Variants in WDR35 observed in about 807,000 individuals in gnomAD.
The protein encoded by WDR35 is WD repeat domain 35.
Under a neutral mutation model 158.3 loss-of-function variants are expected in WDR35, and 118 were observed. The ratio of observed to expected loss-of-function variants is 0.75; its 90% CI spans 0.64 to 0.87. WDR35 has a LOEUF of 0.87. Among genes scored for constraint, WDR35 ranks in the 40% least tolerant of loss-of-function variants. The pLI, the probability that WDR35 is intolerant of heterozygous loss-of-function variation, is 0.00. For synonymous variants in WDR35, 448 were observed against 476.1 expected (o/e 0.94, Z 0.77); for missense variants, 1,263 against 1,405.8 (o/e 0.90, Z 1.62).
chr2:19,950,357 G>T (rs1671197437), intron 13 of WDR35, among the ~76,000 whole-genome samples: 1 of 152,052 alleles, frequency 6.6e-6, no homozygotes, highest in Non-Finnish European at 1.5e-5. Flanking sequence ...AAGTCTTCTG[G>T]AAACCAGAAT....
chr2:19,966,934 G>A, intron 9 of WDR35, 25 bp from the exon 10 acceptor site: 1 of 1,608,736 alleles, frequency 6.2e-7, no homozygotes, highest in Non-Finnish European at 8.5e-7. Context: ...AGGAGGAAAG[G>A]GAAGGAGATT....
At chr2:19,976,157 T>C (rs1027194379) in intron 5 of WDR35, among the ~76,000 whole-genome samples, 1 of 152,202 alleles carries the variant, frequency 6.6e-6, no homozygotes, top group African/African-American at 2.4e-5. Flanking sequence ...TCATTTTCTC[T>C]TTCTCATTAA....
chr2:19,947,195 GTTT>G (rs920301532), intron 14 of WDR35, among the ~76,000 whole-genome samples: 9 of 152,214 alleles, frequency 5.9e-5, no homozygotes, highest in South Asian at 2.1e-4. Context: ...AGAACTGTGG[GTTT>G]CAAACCCTTG....
intron 5 of WDR35, among the ~76,000 whole-genome samples, chr2:19,978,273 CAG>C (rs1279770048): frequency 8.5e-5 from 13 of 152,142 alleles, no homozygotes; most frequent in South Asian, 4.2e-4. Context: ...TATTTATCTA[CAG>C]AGTTTCAAAT....
At chr2:19,940,424 G>A (rs1296514268) in intron 17 of WDR35, among the ~76,000 whole-genome samples, 1 of 152,048 alleles carries the variant, frequency 6.6e-6, no homozygotes, top group Non-Finnish European at 1.5e-5. Context: ...ATATTATCTG[G>A]TGGTACTGTA....
At chr2:19,964,752 G>T (rs1671793521) in intron 10 of WDR35, among the ~76,000 whole-genome samples, 1 of 151,836 alleles carries the variant, frequency 6.6e-6, no homozygotes, top group Non-Finnish European at 1.5e-5. Context: ...TTGTCCTTTT[G>T]CTTCACTTTA....
rs750457431 is a variant in WDR35 at position 19,914,251 on chromosome 2, T to C, written c.3148A>G (p.Ile1050Val). 5 of 1,613,786 alleles carry C rather than the reference T, an allele frequency of 3.1e-6. No individual in the cohort carries two copies. The Admixed American group carries it at 6.7e-5, about 22-fold the overall frequency. Residue 1050 changes from isoleucine (I) to valine (V), a missense_variant, in exon 26 of 27, where the codon ATC becomes GTC. Transcript: ENST00000281405. The stretch of plus-strand genomic sequence containing the variant: ...GAGTAGATCTCCACAGGAGGGATGA[T>C]GTCTTCATAGTCTTTCAGGTGAAGA... ...TALHLKDYED[I>V]IPPVEIYSLL...
chr2:19,933,236 A>T (rs1234148142), intron 22 of WDR35, among the ~76,000 whole-genome samples, 165 bp downstream of exon 22: 1 of 152,198 alleles, frequency 6.6e-6, no homozygotes, highest in Admixed American at 6.5e-5. Context: ...TTCATCCTCA[A>T]TTAAGAGAAT....
intron 8 of WDR35, among the ~76,000 whole-genome samples, chr2:19,969,975 C>T (rs974147809): frequency 1.1e-4 from 17 of 152,110 alleles, no homozygotes; most frequent in African/African-American, 3.9e-4. Flanking sequence ...TCTCGATCTC[C>T]TGACTTCATG....
intron 25 of WDR35, among the ~76,000 whole-genome samples, chr2:19,921,326 TA>T (rs1426496773): frequency 1.3e-5 from 2 of 152,046 alleles, no homozygotes; most frequent in Non-Finnish European, 2.9e-5. Context: ...GACTACGAAC[TA>T]TACTACAAGG....
At chr2:19,963,468 T>C (rs929843839) in intron 10 of WDR35, among the ~76,000 whole-genome samples, 3 of 152,194 alleles carry the variant, frequency 2.0e-5, no homozygotes, top group African/African-American at 4.8e-5. Context: ...GGCTCAAATA[T>C]GTCAGGTAGT....
chr2:19,988,286 C>T (rs1230095347), intron 2 of WDR35, among the ~76,000 whole-genome samples: 2 of 152,116 alleles, frequency 1.3e-5, no homozygotes, highest in African/African-American at 4.8e-5. Context: ...TTATTCATAC[C>T]GCATTCAAAG....
At chr2:19,945,334 T>C (rs1279694272) in intron 16 of WDR35, among the ~76,000 whole-genome samples, 2 of 152,166 alleles carry the variant, frequency 1.3e-5, no homozygotes, top group Non-Finnish European at 2.9e-5. Flanking sequence ...ATATGGTAAA[T>C]GTAAATATAA....
intron 11 of WDR35, among the ~76,000 whole-genome samples, chr2:19,956,328 T>A (rs1671430492): frequency 6.6e-6 from 1 of 152,206 alleles, no homozygotes; most frequent in Non-Finnish European, 1.5e-5. Context: ...TTTTGATAGA[T>A]CCTAAATACT....
intron 25 of WDR35, 41 bp downstream of exon 25, chr2:19,930,355 T>C: frequency 6.2e-7 from 1 of 1,613,902 alleles, no homozygotes; most frequent in Non-Finnish European, 8.5e-7. Context: ...ACTCAATTTA[T>C]AATTTTCAGA....
At chr2:19,945,118 TGA>T (rs1671005759) in intron 16 of WDR35, among the ~76,000 whole-genome samples, 1 of 152,076 alleles carries the variant, frequency 6.6e-6, no homozygotes, top group Admixed American at 6.6e-5. Flanking sequence ...ATACAACAGC[TGA>T]GAGTTGGCCA....
At chr2:19,984,022 TATATATATATATATATATACATATATAC>T (rs1359885680) in intron 2 of WDR35, among the ~76,000 whole-genome samples, 4 of 3,592 alleles carry the variant, frequency 1.1e-3, no homozygotes, top group African/African-American at 1.7e-3. Context: ...TATATATATA[TATATATATATATATATATACATATATAC>T]ACACACCCAC....
intron 25 of WDR35, among the ~76,000 whole-genome samples, chr2:19,916,621 G>A (rs945080841): frequency 1.3e-5 from 2 of 152,196 alleles, no homozygotes; most frequent in African/African-American, 4.8e-5. Flanking sequence ...CAAAGCCGCT[G>A]GGAAGTTGAA....
intron 25 of WDR35, among the ~76,000 whole-genome samples, chr2:19,918,422 GC>G (rs1233229695): frequency 6.6e-6 from 1 of 152,120 alleles, no homozygotes; most frequent in African/African-American, 2.4e-5. Flanking sequence ...TGGGCTAAAT[GC>G]CCCAATTAAA....
Sources: allele counts gnomAD v4.1 joint callset (sites outside exome capture counted in the v4.1 genomes callset), GRCh38; gene constraint gnomAD v4.1.1; transcripts MANE v1.5; gene names NCBI Gene and HGNC (gene_info 2026-07-23, HGNC 2026-07-21).